The following FOXP2 variants were observed in gnomAD, a reference collection of about 807,000 sequenced individuals.
FOXP2 encodes forkhead box protein P2.
In FOXP2, 12 loss-of-function variants were observed where a neutral mutation model predicts 115.8. The observed-to-expected ratio is 0.10, with a 90% CI of 0.07 to 0.17. The LOEUF is 0.17. Ranked by LOEUF, FOXP2 falls within the 10% of genes least tolerant of loss-of-function variation. The pLI is 1.00. For missense variants in FOXP2, 629 were observed against 843.5 expected (o/e 0.75, Z 3.15); for synonymous variants, 328 against 297.7 (o/e 1.10, Z -1.05).
At chr7:114,152,692 T>G (rs1450681270) in intron 1 of FOXP2, among the ~76,000 whole-genome samples, 1 of 152,118 alleles carries the variant, frequency 6.6e-6, no homozygotes, top group East Asian at 1.9e-4. Context: ...TGGGGCTTTG[T>G]TTTTGGAAGA....
In FOXP2 at chr7:114,134,537, C is replaced by A. The variant is rs542770527; in HGVS notation, c.-246-28407C>A. On this transcript the variant is annotated intron_variant, in intron 1 of 19. Transcript: ENST00000635638. ...GACCATCCCGGCTAAAACGGTGAAA[C>A]CCCGTCTCTACTAAAAATACAAAAA... 2.0e-3 allele frequency among the ~76,000 whole-genome samples: 305 copies of A among 151,784 alleles called. 8 individuals are homozygous for A. The South Asian group carries it at 0.036, about 18-fold the overall frequency.
intron 3 of FOXP2, among the ~76,000 whole-genome samples, chr7:114,544,379 G>A (rs1398007547): frequency 6.6e-6 from 1 of 151,846 alleles, no homozygotes; most frequent in Non-Finnish European, 1.5e-5. Context: ...ATCAAGCTGT[G>A]GCTAAAGTTT....
chr7:114,157,296 G>T (rs938396165), intron 1 of FOXP2, among the ~76,000 whole-genome samples: 8 of 152,108 alleles, frequency 5.3e-5, no homozygotes, highest in African/African-American at 1.7e-4. Flanking sequence ...AGTTTTTAGA[G>T]GGGAGCTGTA....
At chr7:114,334,812 G>A (rs568832910) in intron 2 of FOXP2, among the ~76,000 whole-genome samples, 1 of 149,918 alleles carries the variant, frequency 6.7e-6, no homozygotes, top group South Asian at 2.1e-4. Flanking sequence ...TTTAAAGATC[G>A]AAAATGATCA....
At chr7:114,314,230 TATG>T (rs1323475146) in intron 2 of FOXP2, among the ~76,000 whole-genome samples, 3 of 149,530 alleles carry the variant, frequency 2.0e-5, no homozygotes, top group Non-Finnish European at 3.0e-5. Context: ...TTTTATATAA[TATG>T]ATAATTTATA....
chr7:114,101,637 G>C (rs1790962460), intron 1 of FOXP2, among the ~76,000 whole-genome samples: 1 of 151,712 alleles, frequency 6.6e-6, no homozygotes. Flanking sequence ...CATGCTCACT[G>C]ATCTTCATTT....
chr7:114,686,010 TCAC>T (rs1808343076), intron 16 of FOXP2, among the ~76,000 whole-genome samples: 1 of 151,856 alleles, frequency 6.6e-6, no homozygotes, highest in Admixed American at 6.6e-5. Context: ...TGAACCGTCT[TCAC>T]CATATAACAC....
intron 2 of FOXP2, among the ~76,000 whole-genome samples, chr7:114,367,650 C>T (rs1791912657): frequency 6.7e-6 from 1 of 150,286 alleles, no homozygotes; most frequent in Non-Finnish European, 1.5e-5. Context: ...GAAGCCATTT[C>T]CCCTGAACCC....
Position 114,315,791 on chromosome 7 carries a change from C to T in FOXP2, c.-11+27682C>T, listed in dbSNP as rs116284680. ...AAGACCCTGGTCAGAACATTTCCAT[C>T]AGTTGATCAATATATAACCTTGTGT... On this transcript the variant is annotated intron_variant, in intron 2 of 17. Coordinates refer to the FOXP2 transcript ENST00000634411. Among the ~76,000 whole-genome samples the T allele has an allele frequency of 2.7e-3, 418 of 152,280 alleles. 2 individuals carry two copies. The highest frequency in any genetic ancestry group is 9.3e-3 in the African/African-American group (387 of 41,556).
At chr7:114,461,427 T>C (rs1327738014) in intron 2 of FOXP2, among the ~76,000 whole-genome samples, 1 of 152,208 alleles carries the variant, frequency 6.6e-6, no homozygotes, top group African/African-American at 2.4e-5. Flanking sequence ...ATTATTCTAT[T>C]TGACCATGAT....
At chr7:114,338,816 T>G (rs1412149557) in intron 2 of FOXP2, among the ~76,000 whole-genome samples, 1 of 149,958 alleles carries the variant, frequency 6.7e-6, no homozygotes, top group Non-Finnish European at 1.5e-5. Context: ...GTTTGATAAT[T>G]AAAGAAAAAG....
intron 2 of FOXP2, among the ~76,000 whole-genome samples, chr7:114,427,979 A>G (rs1793937402): frequency 2.0e-5 from 3 of 151,682 alleles, no homozygotes. Flanking sequence ...TATGCCTACC[A>G]CAGTCCCAGG....
chr7:114,106,958 A>G (rs566334316), intron 1 of FOXP2, among the ~76,000 whole-genome samples: 1 of 152,040 alleles, frequency 6.6e-6, no homozygotes, highest in African/African-American at 2.4e-5. Context: ...TATGTTTTAT[A>G]AGCAGTTTAA....
intron 1 of FOXP2, among the ~76,000 whole-genome samples, chr7:114,208,501 A>C (rs547183996): frequency 7.2e-5 from 11 of 152,262 alleles, no homozygotes; most frequent in Non-Finnish European, 1.6e-4. Flanking sequence ...AAATGAGTTA[A>C]GACTTTGGGG....
At chr7:114,297,069 G>C (rs1309669312) in intron 2 of FOXP2, 1 of 369,294 alleles carries the variant, frequency 2.7e-6, no homozygotes, top group South Asian at 2.3e-5. Context: ...TTTTTTTCCT[G>C]TCAAGCTGCC....
intron 3 of FOXP2, among the ~76,000 whole-genome samples, chr7:114,598,063 T>G (rs1802819982): frequency 6.6e-6 from 1 of 152,168 alleles, no homozygotes; most frequent in African/African-American, 2.4e-5. Context: ...AAACAATATA[T>G]AAGTAAATAT....
intron 1 of FOXP2, among the ~76,000 whole-genome samples, chr7:114,282,591 A>C (rs1333327623): frequency 2.0e-5 from 3 of 152,150 alleles, no homozygotes; most frequent in Admixed American, 6.5e-5. Context: ...TCTACAGATT[A>C]ATACATTCAT....
intron 3 of FOXP2, among the ~76,000 whole-genome samples, chr7:114,585,054 T>A (rs2129304006): frequency 6.6e-6 from 1 of 152,302 alleles, no homozygotes; most frequent in Non-Finnish European, 1.5e-5. Flanking sequence ...CGAAGTATAG[T>A]TTTGAGTGAA....
chr7:114,536,577 A>G (rs1799410702), intron 3 of FOXP2, among the ~76,000 whole-genome samples: 1 of 151,320 alleles, frequency 6.6e-6, no homozygotes, highest in Admixed American at 6.6e-5. Context: ...TTTGAGCAGA[A>G]GTGTCCAGTC....
Sources: gnomAD v4.1 joint callset for allele counts (sites outside exome capture counted in the v4.1 genomes callset) on GRCh38, gnomAD v4.1.1 for gene constraint, MANE v1.5 for transcripts, NCBI Gene and HGNC (gene_info 2026-07-23, HGNC 2026-07-21) for gene names.